Variants in SLC6A15 observed in about 807,000 individuals in gnomAD.
The protein encoded by SLC6A15 is solute carrier family 6 member 15.
In SLC6A15, 33 loss-of-function variants were observed where a neutral mutation model predicts 68.5. The ratio of observed to expected loss-of-function variants is 0.48; its 90% CI spans 0.37 to 0.64. SLC6A15 has a LOEUF of 0.64. Ranked by LOEUF, SLC6A15 falls within the 30% of genes least tolerant of loss-of-function variation. The probability of loss-of-function intolerance (pLI) is 0.00; values close to 1 mark genes in which losing one functional copy is unlikely to be tolerated. For synonymous variants in SLC6A15, 347 were observed against 301.0 expected (o/e 1.15, Z -1.58); for missense variants, 747 against 874.3 (o/e 0.85, Z 1.84).
chr12:84,861,820 A>G lies in SLC6A15; in HGVS notation c.2005T>C (p.Leu669=), dbSNP rs1870863883. ...RGRVLKEPVN[L]EGDDTSLIHG... ...ATGAGGCTTGTATCATCGCCCTCTAAGTTCACAGGCTCTTTCAGGACCCTT... is the reference window on the plus strand; with the variant it reads ...ATGAGGCTTGTATCATCGCCCTCTAGGTTCACAGGCTCTTTCAGGACCCTT... The change falls in exon 12 of 12, where the codon TTA becomes CTA. Residue 669 remains leucine, a synonymous_variant. Transcript: ENST00000266682. The G allele has an allele frequency of 1.2e-6, 2 of 1,613,784 alleles. No individual in the cohort carries two copies. The highest frequency in any genetic ancestry group is 1.7e-6 in the Non-Finnish European group (2 of 1,179,944).
Position 84,903,430 on chromosome 12 carries a change from T to A in SLC6A15, c.-189+9093A>T, listed in dbSNP as rs562901594. Among the ~76,000 whole-genome samples the A allele has an allele frequency of 6.6e-5, 10 of 152,180 alleles. No individual in the cohort carries two copies. The East Asian group carries it at 1.7e-3, about 26-fold the overall frequency. ...TATACTAATATGCCCTAAAAAACAT[T>A]GAGAATAAAAAAAATTACTTCAAAT... On this transcript the variant is annotated intron_variant, in intron 1 of 11. Coordinates refer to ENST00000266682, the MANE Select transcript of SLC6A15 (RefSeq NM_182767.6).
Position 84,867,183 on chromosome 12 carries a change from A to T in SLC6A15, c.1506T>A (p.Cys502Ter). The change falls in exon 10 of 12, where the codon TGT becomes TGA. Residue 502 changes from cysteine (C) to a stop codon, truncating the protein, a stop_gained. Coordinates refer to ENST00000266682, the MANE Select transcript of SLC6A15 (RefSeq NM_182767.6). LOFTEE classifies it high-confidence loss of function. ...TCAGGCCAATACAAAATGCCAGAAG[A>T]CAACAGATAACTAGACAAAAGAAAT... ...VRKEILTVIC[C>*]LLAFCIGLIF... 6.3e-7 allele frequency: 1 copy of T among 1,597,568 alleles called. No individual in the cohort carries two copies. Among genetic ancestry groups the T allele is most frequent in the Admixed American group, 1.7e-5 (1 of 57,546 alleles).
chr12:84,912,344 G>A (rs571625105), intron 1 of SLC6A15, among the ~76,000 whole-genome samples, 179 bp downstream of exon 1: 1 of 152,062 alleles, frequency 6.6e-6, no homozygotes, highest in African/African-American at 2.4e-5. Flanking sequence ...GCCCAGCCCA[G>A]CTTCTCCCTC....
In SLC6A15 at chr12:84,861,817, C is replaced by CT; in HGVS notation, c.2007dup (p.Glu670ArgfsTer4). On this transcript the variant is annotated frameshift_variant, in exon 12 of 12. Transcript: ENST00000266682. LOFTEE classifies it high-confidence loss of function. ...TGAATGAGGCTTGTATCATCGCCCT[C>CT]TAAGTTCACAGGCTCTTTCAGGACC... 1 of 1,613,992 alleles carries CT rather than the reference C, an allele frequency of 6.2e-7. No homozygotes were observed. The highest frequency in any genetic ancestry group is 8.5e-7 in the Non-Finnish European group (1 of 1,179,952).
chr12:84,878,594 CTAGA>C (rs201257172), intron 5 of SLC6A15, among the ~76,000 whole-genome samples: 6,382 of 151,378 alleles, frequency 0.042, 396 homozygotes, highest in African/African-American at 0.14. Context: ...ATTATAAAGT[CTAGA>C]TAGACTGATT....
intron 2 of SLC6A15, among the ~76,000 whole-genome samples, chr12:84,890,056 C>CGG (rs1484744764): frequency 6.6e-6 from 1 of 151,964 alleles, no homozygotes; most frequent in Non-Finnish European, 1.5e-5. Context: ...AGATATTCCT[C>CGG]CAACAATTAG....
chr12:84,898,880 G>A (rs1447815934), intron 1 of SLC6A15, among the ~76,000 whole-genome samples: 1 of 152,144 alleles, frequency 6.6e-6, no homozygotes, highest in Non-Finnish European at 1.5e-5. Flanking sequence ...ATATTTAGTG[G>A]CTTTGAAAAA....
At chr12:84,889,921 G>T (rs1872312008) in intron 2 of SLC6A15, among the ~76,000 whole-genome samples, 1 of 108,798 alleles carries the variant, frequency 9.2e-6, no homozygotes, top group Non-Finnish European at 1.8e-5. Flanking sequence ...AATATCACTA[G>T]GCAAATAAAC....
intron 1 of SLC6A15, among the ~76,000 whole-genome samples, chr12:84,897,375 G>C (rs940094598): frequency 6.6e-6 from 1 of 151,764 alleles, no homozygotes; most frequent in Admixed American, 6.6e-5. Context: ...GAAAACTGAA[G>C]TCAGCTAAAG....
At chr12:84,879,346 G>C (rs937974448) in intron 5 of SLC6A15, among the ~76,000 whole-genome samples, 2 of 150,678 alleles carry the variant, frequency 1.3e-5, no homozygotes, top group East Asian at 3.9e-4. Context: ...TTTTTTTGGA[G>C]ACCGAGTCTC....
intron 9 of SLC6A15, 144 bp from the exon 10 acceptor site, chr12:84,867,337 G>T: frequency 1.9e-6 from 1 of 533,718 alleles, no homozygotes; most frequent in Non-Finnish European, 3.0e-6. Context: ...CTGATACATG[G>T]CATATAACCT....
chr12:84,901,279 C>A (rs1029018706), intron 1 of SLC6A15, among the ~76,000 whole-genome samples: 1 of 151,594 alleles, frequency 6.6e-6, no homozygotes, highest in Non-Finnish European at 1.5e-5. Context: ...AAATTCAATT[C>A]ATTTCATTGA....
At position 84,870,554 on chromosome 12, in the gene SLC6A15, G is replaced by A; in HGVS notation, c.1419C>T (p.Gly473=). 6.2e-7 allele frequency: 1 copy of A among 1,610,514 alleles called. No individual in the cohort carries two copies. Among genetic ancestry groups the A allele is most frequent in the South Asian group, 1.1e-5 (1 of 90,534 alleles). Reference sequence around the variant, plus strand: ...TCCCTTCAATGGTTCCAAACATACTGCCAAGGCCTAGATTGACCAGCATGA... The same window carrying A: ...TCCCTTCAATGGTTCCAAACATACTACCAAGGCCTAGATTGACCAGCATGA... ...FFLMLVNLGL[G]SMFGTIEGIV... The change falls in exon 9 of 12, where the codon GGC becomes GGT. Residue 473 remains glycine (G), a synonymous_variant. Transcript: ENST00000266682.
At chr12:84,909,474 A>T (rs1051982380) in intron 1 of SLC6A15, among the ~76,000 whole-genome samples, 2 of 152,198 alleles carry the variant, frequency 1.3e-5, no homozygotes, top group Non-Finnish European at 2.9e-5. Flanking sequence ...GCAGATAAAT[A>T]CATCAAAAAT....
At chr12:84,867,336 G>A (rs1871106959) in intron 9 of SLC6A15, 143 bp from the exon 10 acceptor site, 5 of 557,900 alleles carry the variant, frequency 9.0e-6, no homozygotes, top group African/African-American at 1.9e-5. Context: ...CCTGATACAT[G>A]GCATATAACC....
chr12:84,904,239 G>GAGAGAGAGAGAGAGAGAGAGAGAT, intron 1 of SLC6A15, among the ~76,000 whole-genome samples: 1 of 151,322 alleles, frequency 6.6e-6, no homozygotes, highest in African/African-American at 2.4e-5. Context: ...GAGAGAGAGA[G>GAGAGAGAGAGAGAGAGAGAGAGAT]AGAGAGAGAG....
chr12:84,861,692 C>G lies in SLC6A15; in HGVS notation c.2133G>C (p.Arg711=), dbSNP rs766442742. 6.2e-7 allele frequency: 1 copy of G among 1,613,686 alleles called. No individual in the cohort carries two copies. The highest frequency in any genetic ancestry group is 1.3e-5 in the African/African-American group (1 of 74,892). The change falls in exon 12 of 12, where the codon CGG becomes CGC. Residue 711 remains arginine, a synonymous_variant. Coordinates refer to ENST00000266682, the MANE Select transcript of SLC6A15 (RefSeq NM_182767.6). ...SPTLDTAPNG[R]YGIGYLMADI... is the part of the protein sequence containing the mutation. ...CTGCCATCAAGTACCCTATTCCATACCGTCCATTGGGAGCAGTATCCAGAG... is the reference window on the plus strand; with the variant it reads ...CTGCCATCAAGTACCCTATTCCATAGCGTCCATTGGGAGCAGTATCCAGAG...
At position 84,883,923 on chromosome 12, in the gene SLC6A15, C is replaced by G; in HGVS notation, c.692G>C (p.Cys231Ser). ...SGGLNWKMTI[C>S]LLAAWVMVCL... ...AACCATGACCCAGGCAGCCAACAAG[C>G]AGATGGTCATCTTCCAGTTTAAGCC... Residue 231 changes from cysteine (C) to serine (S), a missense_variant, in exon 5 of 12, where the codon TGC becomes TCC. Transcript: ENST00000266682. 1.2e-6 allele frequency: 2 copies of G among 1,614,110 alleles called. No individual in the cohort carries two copies. Among genetic ancestry groups the G allele is most frequent in the Admixed American group, 1.7e-5 (1 of 60,022 alleles).
At chr12:84,881,709 C>T (rs1271596829) in intron 5 of SLC6A15, 1 of 921,706 alleles carries the variant, frequency 1.1e-6, no homozygotes, top group Non-Finnish European at 1.3e-6. Flanking sequence ...ATGTGCTAGC[C>T]TTAAACAATA....
Sources: gnomAD v4.1 joint callset for allele counts (sites outside exome capture counted in the v4.1 genomes callset) on GRCh38, gnomAD v4.1.1 for gene constraint, MANE v1.5 for transcripts, NCBI Gene and HGNC (gene_info 2026-07-23, HGNC 2026-07-21) for gene names.